CPXM2: variants seen among roughly 807,000 people sequenced by gnomAD.
The protein encoded by CPXM2 is carboxypeptidase X, M14 family member 2.
A neutral mutation model predicts 86.1 loss-of-function variants in CPXM2; 66 were observed. The observed-to-expected ratio is 0.77, with a 90% CI of 0.63 to 0.94. The LOEUF is 0.94. CPXM2 is among the 40% of genes least tolerant of loss of function. The pLI is 0.00. For missense variants in CPXM2, 948 were observed against 1,026.3 expected, an observed-to-expected ratio of 0.92 and a Z score of 1.04; for synonymous variants, 388 against 400.2, an observed-to-expected ratio of 0.97 and a Z score of 0.36.
intron 4 of CPXM2, among the ~76,000 whole-genome samples, chr10:123,838,913 T>G (rs1004289260): frequency 1.3e-5 from 2 of 152,164 alleles, no homozygotes; most frequent in African/African-American, 4.8e-5. Flanking sequence ...GGTGTTCCTG[T>G]GAGGGAGAAG....
upstream of CPXM2, among the ~76,000 whole-genome samples, chr10:123,896,454 T>C (rs966398259): frequency 6.6e-6 from 1 of 152,230 alleles, no homozygotes; most frequent in Non-Finnish European, 1.5e-5. Flanking sequence ...TAAATGGCAG[T>C]GTCCTTTGTG....
chr10:123,864,237 C>CGAGAGACCCCACCCACTGAGA (rs888626347), intron 2 of CPXM2, among the ~76,000 whole-genome samples: 3 of 152,098 alleles, frequency 2.0e-5, no homozygotes, highest in African/African-American at 7.3e-5. Context: ...TCCCGCCCAC[C>CGAGAGACCCCACCCACTGAGA]GAGAGACCCC....
intron 2 of CPXM2, among the ~76,000 whole-genome samples, chr10:123,876,453 G>A (rs573802469): frequency 6.6e-6 from 1 of 152,244 alleles, no homozygotes; most frequent in South Asian, 2.1e-4. Context: ...AAAGAAGCAT[G>A]GGAAACTAAA....
chr10:123,793,786 A>T (rs1247828564), intron 6 of CPXM2, among the ~76,000 whole-genome samples: 1 of 152,120 alleles, frequency 6.6e-6, no homozygotes, highest in Non-Finnish European at 1.5e-5. Context: ...TGAACGATCA[A>T]CCCATTGCCA....
At chr10:123,780,286 TC>T in intron 6 of CPXM2, 31 bp from the exon 7 acceptor site, 2 of 1,330,900 alleles carry the variant, frequency 1.5e-6, no homozygotes, top group Non-Finnish European at 2.2e-6. Flanking sequence ...TTGCATTTAC[TC>T]CCATCATTCT....
intron 3 of CPXM2, among the ~76,000 whole-genome samples, chr10:123,854,370 A>AC (rs1848665439): frequency 1.2e-5 from 1 of 84,716 alleles, no homozygotes; most frequent in Non-Finnish European, 2.4e-5. Context: ...AAATATATAT[A>AC]TATAATATAT....
rs142855432 is a variant in CPXM2 at position 123,794,734 on chromosome 10, C to CGTGTGTGT, written c.889+3234_889+3241dup. On this transcript the variant is annotated intron_variant, in intron 6 of 13. Coordinates refer to ENST00000241305, the MANE Select transcript of CPXM2 (RefSeq NM_198148.3). ...TCATTTTTATTTATTTATTTAAGAC[C>CGTGTGTGT]GTGTGTGTGTGTGTGTGTGTGTGTG... Among the ~76,000 whole-genome samples the CGTGTGTGT allele has an allele frequency of 7.7e-3, 1,083 of 141,278 alleles. 6 individuals are homozygous for CGTGTGTGT. The highest frequency in any genetic ancestry group is 0.013 in the African/African-American group (471 of 37,524). 92.7% of individuals were successfully genotyped at this position (141,278 alleles called of 152,430 possible).
chr10:123,889,310 T>C (rs927216330), intron 1 of CPXM2, among the ~76,000 whole-genome samples: 1 of 152,188 alleles, frequency 6.6e-6, no homozygotes, highest in South Asian at 2.1e-4. Context: ...TGTCAAGTCT[T>C]AAACATCACC....
chr10:123,912,575 T>C (rs1255090918), intron 2 of CPXM2, among the ~76,000 whole-genome samples: 2 of 152,238 alleles, frequency 1.3e-5, no homozygotes, highest in African/African-American at 4.8e-5. Flanking sequence ...CCATCTGTGA[T>C]GCCCTCCTGG....
intron 6 of CPXM2, among the ~76,000 whole-genome samples, chr10:123,781,814 CAT>C (rs1367547837): frequency 2.6e-5 from 4 of 152,204 alleles, no homozygotes; most frequent in Admixed American, 6.5e-5. Context: ...AACACTCACA[CAT>C]GTTACACACA....
chr10:123,895,112 CTTTTT>C (rs1198158013), upstream of CPXM2, among the ~76,000 whole-genome samples: 4 of 111,676 alleles, frequency 3.6e-5, no homozygotes, highest in African/African-American at 9.3e-5. Flanking sequence ...TTTTTTTTTT[CTTTTT>C]TTTCTTTTTT....
In CPXM2 at chr10:123,785,718, C is replaced by T. The variant is rs534167944; in HGVS notation, c.890-5463G>A. Among the ~76,000 whole-genome samples, 208 of 151,800 alleles carry T rather than the reference C, an allele frequency of 1.4e-3. 2 individuals are homozygous for T. The highest frequency in any genetic ancestry group is 4.6e-3 in the African/African-American group (189 of 41,382). ...CGCGATCTCGGCTCACTGCAAGCTC[C>T]GCCTCCCGGGTTCACGCCATTCTCC... On this transcript the variant is annotated intron_variant, in intron 6 of 13. Coordinates refer to ENST00000241305, the MANE Select transcript of CPXM2 (RefSeq NM_198148.3).
intron 4 of CPXM2, among the ~76,000 whole-genome samples, chr10:123,832,054 C>A (rs998616004): frequency 2.6e-5 from 4 of 151,716 alleles, no homozygotes; most frequent in Non-Finnish European, 5.9e-5. Context: ...CCCCTTCCTC[C>A]AAAAAGAAAA....
chr10:123,927,625 T>C (rs1009140218), intron 2 of CPXM2, among the ~76,000 whole-genome samples: 1 of 152,218 alleles, frequency 6.6e-6, no homozygotes, highest in Non-Finnish European at 1.5e-5. Flanking sequence ...TGCTTACCTG[T>C]TGCTCATGCG....
chr10:123,876,260 C>G (rs1403911690), intron 2 of CPXM2, among the ~76,000 whole-genome samples: 2 of 152,200 alleles, frequency 1.3e-5, no homozygotes. Context: ...GATGCTGGCT[C>G]TACCACAATA....
At chr10:123,816,283 C>A (rs1847811742) in intron 4 of CPXM2, among the ~76,000 whole-genome samples, 1 of 152,200 alleles carries the variant, frequency 6.6e-6, no homozygotes, top group African/African-American at 2.4e-5. Context: ...GCATAATTGG[C>A]ATAGACATAC....
intron 6 of CPXM2, among the ~76,000 whole-genome samples, chr10:123,780,921 G>A (rs1406560491): frequency 6.6e-6 from 1 of 152,164 alleles, no homozygotes; most frequent in Non-Finnish European, 1.5e-5. Flanking sequence ...ACACAGAGGA[G>A]GATTGAGTAA....
intron 4 of CPXM2, among the ~76,000 whole-genome samples, chr10:123,805,780 T>C (rs1000432035): frequency 1.3e-5 from 2 of 152,226 alleles, no homozygotes; most frequent in Non-Finnish European, 2.9e-5. Flanking sequence ...TTTTGATTAC[T>C]AGTTTCTCTT....
At chr10:123,788,580 G>A (rs956527605) in intron 6 of CPXM2, among the ~76,000 whole-genome samples, 8 of 152,122 alleles carry the variant, frequency 5.3e-5, no homozygotes, top group East Asian at 1.9e-4. Flanking sequence ...AAAAGTGCCC[G>A]CTTTCTGCTC....
Sources: gnomAD v4.1 joint callset for allele counts (sites outside exome capture counted in the v4.1 genomes callset) on GRCh38, gnomAD v4.1.1 for gene constraint, MANE v1.5 for transcripts, NCBI Gene and HGNC (gene_info 2026-07-23, HGNC 2026-07-21) for gene names.